PUF60: variants seen among roughly 807,000 people sequenced by gnomAD.
The protein encoded by PUF60 is poly(U)-binding-splicing factor PUF60.
In PUF60, 10 loss-of-function variants were observed where a neutral mutation model predicts 61.8. The observed-to-expected ratio is 0.16, with a 90% CI of 0.10 to 0.27. The LOEUF (loss-of-function observed/expected upper bound fraction) is 0.27. PUF60 is among the 10% of genes least tolerant of loss of function. PUF60 has a pLI of 1.00. For missense variants in PUF60, 371 were observed against 754.0 expected, an observed-to-expected ratio of 0.49 and a Z score of 5.95; for synonymous variants, 353 against 300.9, an observed-to-expected ratio of 1.17 and a Z score of -1.79.
chr8:143,822,851 A>ATCAC, intron 2 of PUF60: 1 of 323,736 alleles, frequency 3.1e-6, no homozygotes. Flanking sequence ...AAGCACAAAG[A>ATCAC]TCACTGGCCC....
In PUF60 at chr8:143,824,404, A is replaced by G; in HGVS notation, c.25-5T>C. ...TCCTTGCTGGCCATTGACCTGCTGC[A>G]GGCAGGAAGGAGATGTTGTAACGAC... On this transcript the variant is annotated splice_region_variant and splice_polypyrimidine_tract_variant and intron_variant, in intron 1 of 11. Coordinates refer to ENST00000526683, the MANE Select transcript of PUF60 (RefSeq NM_078480.3). 2.5e-6 allele frequency: 4 copies of G among 1,611,050 alleles called. No individual in the cohort carries two copies. Among genetic ancestry groups the G allele is most frequent in the Non-Finnish European group, 2.5e-6 (3 of 1,179,600 alleles).
chr8:143,821,246 G>A (rs185761733), intron 4 of PUF60: 5 of 481,668 alleles, frequency 1.0e-5, no homozygotes, highest in East Asian at 7.6e-5. Flanking sequence ...GGGCAGGGAG[G>A]CCCACGCCCT....
chr8:143,821,047 C>T (rs150237417), intron 4 of PUF60, among the ~76,000 whole-genome samples: 1 of 152,290 alleles, frequency 6.6e-6, no homozygotes, highest in Non-Finnish European at 1.5e-5. Context: ...GCGTGAGGCT[C>T]GAGGCCCAGG....
Position 143,828,945 on chromosome 8 carries a change from C to G in PUF60, c.24+335G>C, listed in dbSNP as rs73715509. On this transcript the variant is annotated intron_variant, in intron 1 of 11. Transcript: ENST00000526683. ...CCGTCGTGACCACGGCGCACACCCC[C>G]GTCGGCAAAGGGAGGACGACGACCC... 7,035 of 987,850 alleles carry G rather than the reference C, an allele frequency of 7.1e-3. 341 individuals are homozygous for G. The African/African-American group carries it at 0.11, about 15-fold the overall frequency. The allele number at this position is 987,850 out of a possible 1,614,324, so 61.2% of individuals were successfully genotyped here. A position where few individuals can be genotyped will look rare whatever the true frequency, so the allele number is the denominator to read the frequency against.
chr8:143,816,784 G>T lies in PUF60; in HGVS notation c.1416C>A (p.Pro472=). The change falls in exon 12 of 12, where the codon CCC becomes CCA. Residue 472 remains proline (P), a synonymous_variant. Coordinates refer to ENST00000526683, the MANE Select transcript of PUF60 (RefSeq NM_078480.3). ...CTTCCAGGTCATCATCGATGTCCTTGGGGTCCACCATGTTGCGCAGAACCA... is the reference window on the plus strand; with the variant it reads ...CTTCCAGGTCATCATCGATGTCCTTTGGGTCCACCATGTTGCGCAGAACCA... ...TVMVLRNMVD[P]KDIDDDLEGE... The T allele has an allele frequency of 6.2e-7, 1 of 1,613,546 alleles. No individual in the cohort carries two copies. The highest frequency in any genetic ancestry group is 8.5e-7 in the Non-Finnish European group (1 of 1,179,850).
intron 2 of PUF60, among the ~76,000 whole-genome samples, chr8:143,823,491 C>T (rs1817259848): frequency 6.6e-6 from 1 of 152,258 alleles, no homozygotes; most frequent in South Asian, 2.1e-4. Flanking sequence ...AAAGGCCCTT[C>T]TCCCACCAAC....
rs772316676 is a variant in PUF60 at position 143,817,548 on chromosome 8, G to A, written c.1008+44C>T. On this transcript the variant is annotated intron_variant, in intron 9 of 11. Coordinates refer to ENST00000526683, the MANE Select transcript of PUF60 (RefSeq NM_078480.3). The surrounding 1 kb of genome is among the most constrained non-coding windows in gnomAD (Gnocchi z 7.4). ...TGAATCAGTCTCCAAGGAATCAGGGGCCAGCCCGCCCACCCTCAAGCCGAC... is the reference window on the plus strand; with the variant it reads ...TGAATCAGTCTCCAAGGAATCAGGGACCAGCCCGCCCACCCTCAAGCCGAC... The A allele has an allele frequency of 1.8e-5, 29 of 1,608,332 alleles. No homozygotes were observed. Among genetic ancestry groups the A allele is most frequent in the Middle Eastern group, 1.7e-4 (1 of 6,054 alleles).
intron 1 of PUF60, chr8:143,827,577 G>T (rs1164266312): frequency 2.5e-6 from 1 of 396,108 alleles, no homozygotes; most frequent in African/African-American, 2.1e-5. Flanking sequence ...TCATCACTGT[G>T]CCCAACCAGG....
intron 1 of PUF60, among the ~76,000 whole-genome samples, chr8:143,826,862 C>G (rs1817688702): frequency 6.6e-6 from 1 of 152,236 alleles, no homozygotes; most frequent in East Asian, 1.9e-4. Context: ...AACACGCCCC[C>G]AACCCCACAA....
Position 143,817,824 on chromosome 8 carries a change from C to T in PUF60, c.817+38G>A. On this transcript the variant is annotated intron_variant, in intron 8 of 11. Coordinates refer to ENST00000526683, the MANE Select transcript of PUF60 (RefSeq NM_078480.3). The surrounding 1 kb of genome is among the most constrained non-coding windows in gnomAD (Gnocchi z 7.4). ...CAGTGAGCAGGGCCAGCCCCAGCCT[C>T]AGGTGGCCCCCATCCCGCCTCAGCC... The T allele has an allele frequency of 1.2e-6, 2 of 1,607,662 alleles. No individual in the cohort carries two copies.
At chr8:143,819,839 A>C (rs577676336) in intron 5 of PUF60, among the ~76,000 whole-genome samples, 1 of 150,964 alleles carries the variant, frequency 6.6e-6, no homozygotes, top group South Asian at 2.1e-4. Context: ...GTGGGGCCCC[A>C]CCCCCAGGCA....
At chr8:143,825,745 G>A (rs1415351403) in intron 1 of PUF60, among the ~76,000 whole-genome samples, 2 of 152,218 alleles carry the variant, frequency 1.3e-5, no homozygotes, top group Non-Finnish European at 2.9e-5. Flanking sequence ...GGTACTACAG[G>A]CGTGGACCAC....
chr8:143,824,387 G>C lies in PUF60; in HGVS notation c.37C>G (p.Gln13Glu). 6.2e-7 allele frequency: 1 copy of C among 1,612,150 alleles called. No individual in the cohort carries two copies. Among genetic ancestry groups the C allele is most frequent in the Non-Finnish European group, 8.5e-7 (1 of 1,179,774 alleles). ...GCCGGCTCGGACCCCCCTCCTTGCT[G>C]GCCATTGACCTGCTGCAGGCAGGAA... Reference protein sequence around the residue: ...TATIALQVNGQQGGGSEPAAA... With the variant: ...TATIALQVNGEQGGGSEPAAA... Residue 13 changes from glutamine (Q) to glutamate (E), a missense_variant, in exon 2 of 12, where the codon CAG (glutamine) becomes GAG (glutamate). Physicochemically the swap from Gln to Glu is conservative, Grantham distance 29. This residue lies in a region of PUF60 where 69 missense variants were observed against 64.7 expected (regional missense o/e 1.07). Transcript: ENST00000526683.
At chr8:143,824,203 T>TCCCGC (rs2130377240) in intron 2 of PUF60, 110 bp downstream of exon 2, 1 of 1,167,140 alleles carries the variant, frequency 8.6e-7, no homozygotes, top group Non-Finnish European at 1.2e-6. Flanking sequence ...CCGAGGTTCC[T>TCCCGC]CCCGCCCCGC....
intron 1 of PUF60, chr8:143,827,303 C>A (rs937511993): frequency 2.2e-6 from 1 of 453,270 alleles, no homozygotes; most frequent in South Asian, 1.6e-5. Flanking sequence ...AGGGTGATGA[C>A]CCCAAATGAG....
chr8:143,822,702 C>T (rs1586595793), intron 2 of PUF60: 4 of 388,398 alleles, frequency 1.0e-5, no homozygotes, highest in South Asian at 7.4e-5. Flanking sequence ...ATTATGTTTA[C>T]GTCCCTCCTG....
At position 143,825,985 on chromosome 8, in the gene PUF60, C is replaced by T. The variant is rs939700682; in HGVS notation, c.25-1586G>A. Among the ~76,000 whole-genome samples the T allele has an allele frequency of 2.6e-5, 4 of 152,382 alleles. No individual in the cohort carries two copies. In the South Asian group the frequency reaches 6.2e-4, roughly 24 times the overall value. On this transcript the variant is annotated intron_variant, in intron 1 of 11. Transcript: ENST00000526683. Reference sequence around the variant, plus strand: ...CCACTGGTGCATTCTACACAGGACACCCCATGCCATTCCTGGCAGATGGAA... The same window carrying T: ...CCACTGGTGCATTCTACACAGGACATCCCATGCCATTCCTGGCAGATGGAA...
At chr8:143,829,098 C>T in intron 1 of PUF60, 182 bp downstream of exon 1, 7 of 1,120,770 alleles carry the variant, frequency 6.2e-6, no homozygotes, top group Non-Finnish European at 7.6e-6. Flanking sequence ...GCTGAGGCCG[C>T]GAGCCGGCCG....
At chr8:143,823,948 C>T (rs991302587) in intron 2 of PUF60, among the ~76,000 whole-genome samples, 1 of 152,282 alleles carries the variant, frequency 6.6e-6, no homozygotes, top group Non-Finnish European at 1.5e-5. Flanking sequence ...TCCTCAAGCA[C>T]TGCGAGTTCT....
Sources: gnomAD v4.1 joint callset for allele counts (sites outside exome capture counted in the v4.1 genomes callset) on GRCh38, gnomAD v4.1.1 for gene constraint, gnomAD v4.1.1 regional missense constraint, Gnocchi (gnomAD v3.1) non-coding constraint, MANE v1.5 for transcripts, NCBI Gene and HGNC (gene_info 2026-07-23, HGNC 2026-07-21) for gene names.